Variants in WDFY4 observed in about 807,000 individuals in gnomAD.
The protein encoded by WDFY4 is WDFY family member 4, also known as WD repeat- and FYVE domain-containing protein 4.
A neutral mutation model predicts 351.9 loss-of-function variants in WDFY4; 169 were observed. That is an observed-to-expected ratio of 0.48 (90% CI 0.42 to 0.55). The LOEUF (loss-of-function observed/expected upper bound fraction) is 0.55, where lower values mean the gene tolerates loss of function less well. WDFY4 is among the 20% of genes least tolerant of loss of function. WDFY4 has a pLI of 0.00. For synonymous variants in WDFY4, 1,622 were observed against 1,574.6 expected (o/e 1.03, Z -0.71); for missense variants, 3,803 against 3,935.6 (o/e 0.97, Z 0.90).
At chr10:48,828,058 C>T (rs2068064228) in intron 36 of WDFY4, among the ~76,000 whole-genome samples, 2 of 152,152 alleles carry the variant, frequency 1.3e-5, no homozygotes, top group African/African-American at 4.8e-5. Context: ...CATGGGCATT[C>T]TCATATGTCA....
intron 19 of WDFY4, among the ~76,000 whole-genome samples, chr10:48,780,681 A>G (rs2066190095): frequency 6.6e-6 from 1 of 152,180 alleles, no homozygotes; most frequent in South Asian, 2.1e-4. Context: ...GGTATAAGAG[A>G]AAGCTGGGAA....
intron 39 of WDFY4, among the ~76,000 whole-genome samples, chr10:48,848,639 C>A (rs533871680): frequency 1.3e-5 from 2 of 152,098 alleles, no homozygotes; most frequent in African/African-American, 4.8e-5. Context: ...TCTTTTCAGT[C>A]CCTCAAAGTT....
intron 44 of WDFY4, among the ~76,000 whole-genome samples, chr10:48,896,769 A>G (rs780908399): frequency 1.3e-5 from 2 of 152,008 alleles, no homozygotes; most frequent in African/African-American, 2.4e-5. Context: ...GTACTCCCCA[A>G]TCCTGCCATG....
chr10:48,909,008 A>G (rs1837778781), intron 47 of WDFY4, among the ~76,000 whole-genome samples: 1 of 146,938 alleles, frequency 6.8e-6, no homozygotes, highest in African/African-American at 2.5e-5. Context: ...TATACATGGA[A>G]TCATAGAGTA....
chr10:48,779,061 C>T (rs1269845856), intron 18 of WDFY4, among the ~76,000 whole-genome samples: 6 of 152,216 alleles, frequency 3.9e-5, no homozygotes, highest in Admixed American at 3.9e-4. Flanking sequence ...GAGGCCCCAG[C>T]CCTTGGCACA....
rs892364454 is a variant in WDFY4, at chr10:48,836,809, A to G, written c.6663+4100A>G. On this transcript the variant is annotated intron_variant, in intron 39 of 61. Coordinates refer to ENST00000325239, the MANE Select transcript of WDFY4 (RefSeq NM_001394531.1). ...GAACTTGGACTCCCTTGAGGCCACC[A>G]AAGGGCAACTCAGGGTGCAGGCCAC... Among the ~76,000 whole-genome samples, 21 of 152,126 alleles carry G rather than the reference A, an allele frequency of 1.4e-4. 2 individuals are homozygous for G. Among genetic ancestry groups the G allele is most frequent in the African/African-American group, 2.4e-5 (1 of 41,428 alleles).
At chr10:48,728,031 C>T (rs2064327187) in intron 7 of WDFY4, among the ~76,000 whole-genome samples, 1 of 152,202 alleles carries the variant, frequency 6.6e-6, no homozygotes, top group South Asian at 2.1e-4. Flanking sequence ...AGCTGCCCAC[C>T]AATGACTGAA....
At chr10:48,974,823 T>G in intron 57 of WDFY4, 39 bp from the exon 58 acceptor site, 2 of 1,480,842 alleles carry the variant, frequency 1.4e-6, no homozygotes, top group Non-Finnish European at 9.0e-7. Context: ...GTAGCTGAAT[T>G]GAGGGTCCCT....
At chr10:48,955,133 A>G (rs146492813) in intron 51 of WDFY4, among the ~76,000 whole-genome samples, 1 of 152,318 alleles carries the variant, frequency 6.6e-6, no homozygotes, top group Non-Finnish European at 1.5e-5. Flanking sequence ...TAAATATACA[A>G]TGCTCCTAAT....
At chr10:48,830,643 C>T (rs2068157906) in intron 37 of WDFY4, 57 bp from the exon 38 acceptor site, 2 of 1,510,628 alleles carry the variant, frequency 1.3e-6, no homozygotes, top group African/African-American at 1.4e-5. Flanking sequence ...ATCTCCCAGC[C>T]CTCTCTGGGA....
At chr10:48,934,858 G>C (rs1367037766) in intron 47 of WDFY4, among the ~76,000 whole-genome samples, 1 of 152,116 alleles carries the variant, frequency 6.6e-6, no homozygotes, top group Non-Finnish European at 1.5e-5. Context: ...TTGGAGAGAG[G>C]ATCCCGTGTG....
chr10:48,786,505 T>TAA, intron 19 of WDFY4, 134 bp from the exon 20 acceptor site: 1 of 661,238 alleles, frequency 1.5e-6, no homozygotes, highest in Non-Finnish European at 2.4e-6. Context: ...TTGAGAATTA[T>TAA]ATTTTAGTTT....
chr10:48,791,674 G>A (rs1285268117), intron 23 of WDFY4, among the ~76,000 whole-genome samples: 3 of 152,252 alleles, frequency 2.0e-5, no homozygotes, highest in Admixed American at 2.0e-4. Context: ...CTGGGAGGCA[G>A]CCAGGTGAGG....
intron 20 of WDFY4, among the ~76,000 whole-genome samples, chr10:48,788,218 G>A (rs1465005377): frequency 1.3e-5 from 2 of 151,500 alleles, no homozygotes; most frequent in South Asian, 2.1e-4. Flanking sequence ...TAGTAGAGAC[G>A]AGATTTCACC....
intron 43 of WDFY4, among the ~76,000 whole-genome samples, chr10:48,886,655 C>G (rs1234451712): frequency 6.6e-6 from 1 of 152,126 alleles, no homozygotes; most frequent in African/African-American, 2.4e-5. Flanking sequence ...AACCAATAGC[C>G]AAATAAACAT....
chr10:48,706,218 T>C (rs1386590113), intron 1 of WDFY4, among the ~76,000 whole-genome samples: 1 of 152,258 alleles, frequency 6.6e-6, no homozygotes, highest in East Asian at 1.9e-4. Flanking sequence ...CATTCGTTTA[T>C]GCAATAACAT....
chr10:48,712,644 G>C (rs2063797009), intron 2 of WDFY4, among the ~76,000 whole-genome samples: 1 of 152,188 alleles, frequency 6.6e-6, no homozygotes, highest in African/African-American at 2.4e-5. Context: ...TGGGGAAGAT[G>C]GGAGATTTTT....
intron 23 of WDFY4, among the ~76,000 whole-genome samples, chr10:48,791,291 A>T (rs2066671148): frequency 6.6e-6 from 1 of 152,226 alleles, no homozygotes; most frequent in Admixed American, 6.5e-5. Flanking sequence ...TTAACCTTAG[A>T]TGAGTTACTT....
At chr10:48,849,038 T>G (rs1458326798) in intron 39 of WDFY4, among the ~76,000 whole-genome samples, 4 of 152,136 alleles carry the variant, frequency 2.6e-5, no homozygotes, top group Non-Finnish European at 5.9e-5. Context: ...CTGCCCTCCA[T>G]GCATGGGGGA....
Sources: gnomAD v4.1 joint callset for allele counts (sites outside exome capture counted in the v4.1 genomes callset) on GRCh38, gnomAD v4.1.1 for gene constraint, MANE v1.5 for transcripts, NCBI Gene and HGNC (gene_info 2026-07-23, HGNC 2026-07-21) for gene names.